The following MAP2K5 variants were observed in gnomAD, a reference collection of about 807,000 sequenced individuals.
The protein encoded by MAP2K5 is mitogen-activated protein kinase kinase 5.
Under a neutral mutation model 83.1 loss-of-function variants are expected in MAP2K5, and 49 were observed. That is an observed-to-expected ratio of 0.59 (90% CI 0.47 to 0.75). The LOEUF is 0.75. Among genes scored for constraint, MAP2K5 ranks in the 30% least tolerant of loss-of-function variants. The probability of loss-of-function intolerance (pLI) is 0.00; values close to 1 mark genes in which losing one functional copy is unlikely to be tolerated. For missense variants in MAP2K5, 457 were observed against 557.5 expected (o/e 0.82, Z 1.82); for synonymous variants, 202 against 191.8 (o/e 1.05, Z -0.44).
rs1405839878 is a variant in MAP2K5 at position 67,783,747 on chromosome 15, A to C, written c.1242+10995A>C. ...TGAATTTAAATGATATGAATTTAACAAGTGAAATGAATTTCTGCTAGGGGT... is the reference window on the plus strand; with the variant it reads ...TGAATTTAAATGATATGAATTTAACCAGTGAAATGAATTTCTGCTAGGGGT... On this transcript the variant is annotated intron_variant, in intron 21 of 21. Transcript: ENST00000178640. The surrounding 1 kb of genome is among the most constrained non-coding windows in gnomAD (Gnocchi z 5.1). Among the ~76,000 whole-genome samples the C allele has an allele frequency of 3.3e-5, 5 of 152,218 alleles. No individual in the cohort carries two copies. Among genetic ancestry groups the C allele is most frequent in the Admixed American group, 6.5e-5 (1 of 15,286 alleles).
At chr15:67,633,495 G>T (rs888631703) in intron 9 of MAP2K5, among the ~76,000 whole-genome samples, 4 of 152,138 alleles carry the variant, frequency 2.6e-5, no homozygotes, top group African/African-American at 9.7e-5. Flanking sequence ...GTTGGGTGTG[G>T]CAAGGGGCCA....
Position 67,779,336 on chromosome 15 carries a change from G to C in MAP2K5, c.1242+6584G>C, listed in dbSNP as rs148697367. Among the ~76,000 whole-genome samples, 9 of 152,308 alleles carry C rather than the reference G, an allele frequency of 5.9e-5. 1 individual carries two copies. Among genetic ancestry groups the C allele is most frequent in the African/African-American group, 2.2e-4 (9 of 41,558 alleles). On this transcript the variant is annotated intron_variant, in intron 21 of 21. Coordinates refer to ENST00000178640, the MANE Select transcript of MAP2K5 (RefSeq NM_145160.3). This position sits in a 1 kb window ranked among gnomAD's most constrained non-coding sequence, Gnocchi z 4.6. ...ATATAATTACATCGGCAGAATCACT[G>C]TCTGGATACTTGAGATCGCACTAAA... is the stretch of plus-strand genomic sequence containing the variant.
At position 67,544,144 on chromosome 15, in the gene MAP2K5, G is replaced by C. The variant is rs542065492; in HGVS notation, c.135+674G>C. Among the ~76,000 whole-genome samples the C allele has an allele frequency of 1.6e-4, 25 of 152,198 alleles. 1 individual carries two copies. The highest frequency in any genetic ancestry group is 4.6e-4 in the Admixed American group (7 of 15,288). ...TGAACTCCTGCGATTTGCTTGCCTC[G>C]GCCTTCCCAAAGTGCTGAGATTACA... On this transcript the variant is annotated intron_variant, in intron 1 of 21. Coordinates refer to ENST00000178640, the MANE Select transcript of MAP2K5 (RefSeq NM_145160.3).
Position 67,785,225 on chromosome 15 carries a change from G to A in MAP2K5, c.1242+12473G>A, listed in dbSNP as rs1017865466. 6.6e-6 allele frequency among the ~76,000 whole-genome samples: 1 copy of A among 152,218 alleles called. No homozygotes were observed. On this transcript the variant is annotated intron_variant, in intron 21 of 21. Coordinates refer to ENST00000178640, the MANE Select transcript of MAP2K5 (RefSeq NM_145160.3). The surrounding 1 kb of genome is among the most constrained non-coding windows in gnomAD (Gnocchi z 4.4). ...CTCTCAGAGTGCTGGGATTACAGGT[G>A]TGAGCCACCGTGCCCGGCCCCGAAC...
chr15:67,755,819 G>A lies in MAP2K5; in HGVS notation c.1134+7218G>A, dbSNP rs1445971018. 5.9e-5 allele frequency among the ~76,000 whole-genome samples: 9 copies of A among 152,170 alleles called. No individual in the cohort carries two copies. Among genetic ancestry groups the A allele is most frequent in the Non-Finnish European group, 1.3e-4 (9 of 68,024 alleles). ...TTGTAATGATGAGCTGTTGAATTCA[G>A]GGCTTTTTGCCAAGAAAGTCTGTTT... On this transcript the variant is annotated intron_variant, in intron 19 of 21. Coordinates refer to ENST00000178640, the MANE Select transcript of MAP2K5 (RefSeq NM_145160.3). The surrounding 1 kb of genome is among the most constrained non-coding windows in gnomAD (Gnocchi z 4.7).
intron 11 of MAP2K5, among the ~76,000 whole-genome samples, chr15:67,657,048 A>G (rs927793518): frequency 6.6e-6 from 1 of 152,218 alleles, no homozygotes; most frequent in Non-Finnish European, 1.5e-5. Context: ...GCACAGAGCC[A>G]GCTGTGTAAA....
intron 13 of MAP2K5, among the ~76,000 whole-genome samples, chr15:67,678,643 A>C (rs2087738465): frequency 6.6e-6 from 1 of 152,204 alleles, no homozygotes; most frequent in South Asian, 2.1e-4. Flanking sequence ...CATATAGCTG[A>C]TACAAAAATC....
chr15:67,612,312 C>G (rs1448942679), intron 8 of MAP2K5, among the ~76,000 whole-genome samples: 1 of 152,040 alleles, frequency 6.6e-6, no homozygotes, highest in Non-Finnish European at 1.5e-5. Flanking sequence ...CTTGACTAAC[C>G]TCAAAGGATT....
At chr15:67,709,961 T>C (rs558087188) in intron 16 of MAP2K5, among the ~76,000 whole-genome samples, 23 of 152,214 alleles carry the variant, frequency 1.5e-4, no homozygotes, top group Non-Finnish European at 3.1e-4. Context: ...TGGGTTATTA[T>C]AAACTTTATT....
At chr15:67,586,971 G>A in intron 6 of MAP2K5, 58 bp downstream of exon 6, 1 of 1,567,410 alleles carries the variant, frequency 6.4e-7, no homozygotes, top group Non-Finnish European at 8.8e-7. Flanking sequence ...AGTTGGGGTG[G>A]GGTGGGGAAG....
intron 8 of MAP2K5, among the ~76,000 whole-genome samples, chr15:67,629,495 A>G (rs963500579): frequency 2.0e-5 from 3 of 152,168 alleles, no homozygotes; most frequent in South Asian, 2.1e-4. Context: ...AGAGCAACCA[A>G]ATTTTCTGCT....
rs2089931361 is a variant in MAP2K5, at chr15:67,760,637, G to A, written c.1135-8965G>A. ...GCATCTTTAGGCAGTCATTGAACAAGTAGCTTTGTGTTATTTCCTTTGAAT... is the reference window on the plus strand; with the variant it reads ...GCATCTTTAGGCAGTCATTGAACAAATAGCTTTGTGTTATTTCCTTTGAAT... On this transcript the variant is annotated intron_variant, in intron 19 of 21. Coordinates refer to ENST00000178640, the MANE Select transcript of MAP2K5 (RefSeq NM_145160.3). This position sits in a 1 kb window ranked among gnomAD's most constrained non-coding sequence, Gnocchi z 4.1. 6.6e-6 allele frequency among the ~76,000 whole-genome samples: 1 copy of A among 152,194 alleles called. No homozygotes were observed. The highest frequency in any genetic ancestry group is 3.4e-3 in the Middle Eastern group (1 of 294).
chr15:67,769,846 A>G lies in MAP2K5; in HGVS notation c.1196+183A>G, dbSNP rs751086612. On this transcript the variant is annotated intron_variant, in intron 20 of 21. Coordinates refer to ENST00000178640, the MANE Select transcript of MAP2K5 (RefSeq NM_145160.3). This position sits in a 1 kb window ranked among gnomAD's most constrained non-coding sequence, Gnocchi z 5.2. ...TTTAAATTATGTAAACGTTATTTAC[A>G]CAAAGGGTCATAAGCATACTTCAGA... is the stretch of plus-strand genomic sequence containing the variant. The G allele has an allele frequency of 3.1e-5, 18 of 580,818 alleles. No individual in the cohort carries two copies. The highest frequency in any genetic ancestry group is 7.5e-5 in the African/African-American group (4 of 53,166). The allele number at this position is 580,818 out of a possible 1,614,324, so 36.0% of individuals were successfully genotyped here. A position where few individuals can be genotyped will look rare whatever the true frequency, so the allele number is the denominator to read the frequency against.
intron 15 of MAP2K5, among the ~76,000 whole-genome samples, chr15:67,697,621 C>T (rs778232550): frequency 7.2e-5 from 11 of 152,264 alleles, no homozygotes; most frequent in Non-Finnish European, 1.2e-4. Flanking sequence ...AATTAGTTCA[C>T]GAAAGCTGCA....
At chr15:67,641,647 A>G in intron 9 of MAP2K5, 1 of 986,782 alleles carries the variant, frequency 1.0e-6, no homozygotes. Context: ...AGAGCAGTGG[A>G]AATGCACCAA....
In MAP2K5 at chr15:67,630,926, A is replaced by G; in HGVS notation, c.584A>G (p.Lys195Arg). ...CCGAGTGGGAAAATATTAGCTGTAA[A>G]GGTAAGTACTGGATACATTTTATGA... ...HVPSGKILAVKVILLDITLEL... is the reference protein window; with the variant it reads ...HVPSGKILAVRVILLDITLEL... Residue 195 changes from lysine (K) to arginine (R), a missense_variant and splice_region_variant, in exon 9 of 22, where the codon AAG becomes AGG. Around this residue, in one of 3 missense-constraint regions of MAP2K5, gnomAD observed 234 missense variants for 243.6 expected, o/e 0.96. Coordinates refer to ENST00000178640, the MANE Select transcript of MAP2K5 (RefSeq NM_145160.3). The G allele has an allele frequency of 6.2e-7, 1 of 1,605,616 alleles. No individual in the cohort carries two copies. Among genetic ancestry groups the G allele is most frequent in the Non-Finnish European group, 8.5e-7 (1 of 1,173,992 alleles).
intron 16 of MAP2K5, among the ~76,000 whole-genome samples, chr15:67,721,283 A>T (rs977359254): frequency 2.7e-4 from 41 of 152,164 alleles, no homozygotes; most frequent in Admixed American, 2.0e-4. Flanking sequence ...TAAGTGCTTG[A>T]TTTATTTATT....
chr15:67,610,672 C>A (rs1389552679), intron 8 of MAP2K5, among the ~76,000 whole-genome samples: 1 of 151,948 alleles, frequency 6.6e-6, no homozygotes, highest in Non-Finnish European at 1.5e-5. Flanking sequence ...TGTTAAATTG[C>A]TGTCTTACTA....
At chr15:67,570,695 G>A (rs1390112309) in intron 3 of MAP2K5, among the ~76,000 whole-genome samples, 6 of 152,176 alleles carry the variant, frequency 3.9e-5, no homozygotes, top group East Asian at 1.9e-4. Context: ...TGAATTTGTA[G>A]CCATTTGATA....
Sources: gnomAD v4.1 joint callset for allele counts (sites outside exome capture counted in the v4.1 genomes callset) on GRCh38, gnomAD v4.1.1 for gene constraint, gnomAD v4.1.1 regional missense constraint, Gnocchi (gnomAD v3.1) non-coding constraint, MANE v1.5 for transcripts, NCBI Gene and HGNC (gene_info 2026-07-23, HGNC 2026-07-21) for gene names.